PCMT1: variants seen among roughly 807,000 people sequenced by gnomAD.
PCMT1 encodes the protein protein-L-isoaspartate (D-aspartate) O-methyltransferase.
A neutral mutation model predicts 29.2 loss-of-function variants in PCMT1; 9 were observed. That is an observed-to-expected ratio of 0.31 (90% confidence interval 0.19 to 0.54). The LOEUF is 0.54. Among genes scored for constraint, PCMT1 ranks in the 20% least tolerant of loss-of-function variants. The pLI, the probability that PCMT1 is intolerant of heterozygous loss-of-function variation, is 0.95. For synonymous variants in PCMT1, 98 were observed against 97.5 expected, an observed-to-expected ratio of 1.00 and a Z score of -0.03; for missense variants, 184 against 282.2, an observed-to-expected ratio of 0.65 and a Z score of 2.49.
intron 7 of PCMT1, among the ~76,000 whole-genome samples, chr6:149,805,902 CTG>C (rs1001341131): frequency 8.7e-4 from 129 of 147,492 alleles, no homozygotes; most frequent in African/African-American, 3.1e-3. Context: ...CATTGTGCCA[CTG>C]TACTCTAACC....
At chr6:149,758,085 T>C (rs1223096934) in intron 1 of PCMT1, among the ~76,000 whole-genome samples, 2 of 152,004 alleles carry the variant, frequency 1.3e-5, no homozygotes, top group South Asian at 2.1e-4. Flanking sequence ...GGTTTCACCA[T>C]GTTGGCCAGG....
At chr6:149,767,206 C>CA (rs979353940) in intron 1 of PCMT1, among the ~76,000 whole-genome samples, 52 of 146,838 alleles carry the variant, frequency 3.5e-4, no homozygotes, top group South Asian at 3.4e-3. Flanking sequence ...GACTCCTTCT[C>CA]AAAAAAAAAG....
chr6:149,795,696 A>G (rs147293817), intron 5 of PCMT1: 7 of 338,568 alleles, frequency 2.1e-5, no homozygotes, highest in African/African-American at 8.6e-5. Flanking sequence ...TCCTGAATTG[A>G]GAGAAGCATG....
chr6:149,795,678 A>C, intron 5 of PCMT1: 1 of 367,140 alleles, frequency 2.7e-6, no homozygotes, highest in Non-Finnish European at 5.2e-6. Context: ...TCCTGATGGC[A>C]TAACTGTTCC....
intron 6 of PCMT1, among the ~76,000 whole-genome samples, chr6:149,800,611 C>T (rs1396360811): frequency 6.6e-6 from 1 of 152,184 alleles, no homozygotes; most frequent in African/African-American, 2.4e-5. Flanking sequence ...ACTGTAAGAG[C>T]TTCCATTGAG....
At chr6:149,771,288 A>C (rs773823140) in intron 2 of PCMT1, 22 bp downstream of exon 2, 1 of 1,367,222 alleles carries the variant, frequency 7.3e-7, no homozygotes, top group Non-Finnish European at 1.0e-6. Context: ...ATTTCTGAAA[A>C]TATCATAGTT....
intron 6 of PCMT1, chr6:149,796,906 C>T (rs531063066): frequency 3.0e-3 from 467 of 153,984 alleles, no homozygotes; most frequent in Non-Finnish European, 3.8e-3. Context: ...CTCCGCCTCC[C>T]GGGTTCAAGT....
chr6:149,805,981 C>T (rs1776002951), intron 7 of PCMT1, among the ~76,000 whole-genome samples: 5 of 150,622 alleles, frequency 3.3e-5, no homozygotes, highest in Admixed American at 3.3e-4. Flanking sequence ...CATGTTCGCA[C>T]TATCAGAAAA....
chr6:149,804,454 C>T (rs1775948290), intron 7 of PCMT1, among the ~76,000 whole-genome samples: 3 of 152,142 alleles, frequency 2.0e-5, no homozygotes, highest in Non-Finnish European at 2.9e-5. Context: ...AAAGCTGAAG[C>T]TGCAGAGCCC....
At chr6:149,756,707 GA>G (rs1332891714) in intron 1 of PCMT1, among the ~76,000 whole-genome samples, 3 of 151,160 alleles carry the variant, frequency 2.0e-5, no homozygotes, top group Non-Finnish European at 1.5e-5. Context: ...ATGCACATGG[GA>G]AAAATAGAAC....
chr6:149,776,485 C>T (rs1383243899), intron 3 of PCMT1, among the ~76,000 whole-genome samples: 1 of 152,000 alleles, frequency 6.6e-6, no homozygotes, highest in African/African-American at 2.4e-5. Context: ...ACCTGACCTC[C>T]TGACCTCAAG....
At chr6:149,805,450 C>T (rs543981544) in intron 7 of PCMT1, among the ~76,000 whole-genome samples, 48 of 150,002 alleles carry the variant, frequency 3.2e-4, no homozygotes, top group African/African-American at 9.8e-4. Flanking sequence ...AAAAATTAGC[C>T]GGGCGTGGTG....
At chr6:149,795,259 C>G (rs1427428029) in intron 5 of PCMT1, 10 of 402,766 alleles carry the variant, frequency 2.5e-5, no homozygotes, top group South Asian at 2.0e-4. Context: ...AGAAAAAGAT[C>G]ACAGTTCCTC....
intron 1 of PCMT1, among the ~76,000 whole-genome samples, chr6:149,750,589 AG>A (rs1046777740): frequency 2.0e-5 from 3 of 152,130 alleles, no homozygotes; most frequent in African/African-American, 4.8e-5. Flanking sequence ...GAGAAAGAAC[AG>A]GGGATGCTGT....
intron 4 of PCMT1, 54 bp from the exon 5 acceptor site, chr6:149,793,494 CT>C: frequency 1.5e-6 from 2 of 1,373,668 alleles, no homozygotes; most frequent in Non-Finnish European, 1.9e-6. Flanking sequence ...TTCAATAATA[CT>C]TTAGAAAAAC....
intron 6 of PCMT1, among the ~76,000 whole-genome samples, chr6:149,798,375 G>A (rs1408906838): frequency 2.0e-5 from 3 of 152,098 alleles, no homozygotes; most frequent in Admixed American, 6.6e-5. Context: ...TAAATGAGGC[G>A]GGTGGGTGCA....
chr6:149,783,420 C>T (rs928538635), intron 3 of PCMT1, among the ~76,000 whole-genome samples: 2 of 151,988 alleles, frequency 1.3e-5, no homozygotes, highest in Non-Finnish European at 2.9e-5. Context: ...CATAAGCCAC[C>T]GCACCCGTCC....
At chr6:149,767,990 C>T (rs1054501231) in intron 1 of PCMT1, among the ~76,000 whole-genome samples, 16 of 132,244 alleles carry the variant, frequency 1.2e-4, no homozygotes, top group Admixed American at 7.9e-5. Flanking sequence ...GATAGGGTTT[C>T]GCCATGTTGG....
chr6:149,754,795 C>T (rs966531065), intron 1 of PCMT1, among the ~76,000 whole-genome samples: 6 of 152,138 alleles, frequency 3.9e-5, no homozygotes, highest in African/African-American at 9.7e-5. Flanking sequence ...TACACCTGCC[C>T]GTTTGTCACT....
Sources: allele counts gnomAD v4.1 joint callset (sites outside exome capture counted in the v4.1 genomes callset), GRCh38; gene constraint gnomAD v4.1.1; transcripts MANE v1.5; gene names NCBI Gene and HGNC (gene_info 2026-07-23, HGNC 2026-07-21).